The following TDRD10 variants were observed in gnomAD, a reference collection of about 807,000 sequenced individuals.
TDRD10 encodes the protein tudor domain-containing protein 10.
A neutral mutation model predicts 48.0 loss-of-function variants in TDRD10; 40 were observed. That is an observed-to-expected ratio of 0.83 (90% CI 0.65 to 1.09). The LOEUF is 1.09. Ranked by LOEUF, TDRD10 falls within the 50% of genes least tolerant of loss-of-function variation. The pLI is 0.00. For synonymous variants in TDRD10, 162 were observed against 170.4 expected (o/e 0.95, Z 0.38); for missense variants, 378 against 434.7 (o/e 0.87, Z 1.16).
At chr1:154,543,859 C>A in intron 8 of TDRD10, 104 bp from the exon 9 acceptor site, 1 of 1,523,756 alleles carries the variant, frequency 6.6e-7, no homozygotes, top group Non-Finnish European at 8.9e-7. Flanking sequence ...GGGACTCATC[C>A]CCCAGGCAGT....
intron 6 of TDRD10, among the ~76,000 whole-genome samples, chr1:154,530,245 C>T (rs1694539377): frequency 6.6e-6 from 1 of 152,134 alleles, no homozygotes; most frequent in Non-Finnish European, 1.5e-5. Flanking sequence ...GAACTCCTGA[C>T]CTCAGGTGAT....
Position 154,542,745 on chromosome 1 carries a change from G to T in TDRD10, c.427G>T (p.Ala143Ser), listed in dbSNP as rs779845457. Reference sequence around the variant, plus strand: ...CTGCTTTCTAGCTATTATACAGCTCGCTCCTAAAGCTCCTGTTGACCTGTG... The same window carrying T: ...CTGCTTTCTAGCTATTATACAGCTCTCTCCTAAAGCTCCTGTTGACCTGTG... ...FGKTAAIIQL[A>S]PKAPVDLCET... Residue 143 changes from alanine to serine, a missense_variant, in exon 8 of 13, where the codon GCT becomes TCT. Coordinates refer to ENST00000368482, the MANE Select transcript of TDRD10 (RefSeq NM_182499.4). The T allele has an allele frequency of 3.7e-6, 6 of 1,613,572 alleles. No individual in the cohort carries two copies. Among genetic ancestry groups the T allele is most frequent in the Non-Finnish European group, 5.1e-6 (6 of 1,179,722 alleles).
chr1:154,544,283 T>C (rs1011206123), intron 9 of TDRD10, 89 bp from the exon 10 acceptor site: 3 of 1,543,076 alleles, frequency 1.9e-6, no homozygotes, highest in Non-Finnish European at 2.6e-6. Context: ...TGGGACGGAT[T>C]AGCGGTGCTA....
At chr1:154,514,683 TTTTGTTTG>T (rs1039806865) in intron 4 of TDRD10, among the ~76,000 whole-genome samples, 1 of 152,046 alleles carries the variant, frequency 6.6e-6, no homozygotes, top group Non-Finnish European at 1.5e-5. Flanking sequence ...TCATTTGTTT[TTTTGTTTG>T]TTTGTTTGTT....
rs1693992019 is a variant in TDRD10 at position 154,520,339 on chromosome 1, T to C, written c.177T>C (p.Pro59=). Residue 59 remains proline (P), a synonymous_variant, in exon 5 of 13, where the codon CCT becomes CCC. Transcript: ENST00000368482. The part of the protein sequence containing the change: ...EILYLLKDFN[P]LDVHKIQNGC... The stretch of plus-strand genomic sequence containing the variant: ...TGTACCTTCTAAAGGACTTCAACCC[T>C]CTTGATGTCCACAAAATCCAGAATG... The C allele has an allele frequency of 6.2e-7, 1 of 1,613,830 alleles. No homozygotes were observed. The highest frequency in any genetic ancestry group is 1.1e-5 in the South Asian group (1 of 91,076).
intron 4 of TDRD10, among the ~76,000 whole-genome samples, chr1:154,510,999 T>C (rs1184930415): frequency 6.6e-6 from 1 of 151,866 alleles, no homozygotes; most frequent in Non-Finnish European, 1.5e-5. Flanking sequence ...TGAGCTGAGA[T>C]TGCGCCACTG....
At chr1:154,509,229 T>C (rs1014211482) in intron 4 of TDRD10, among the ~76,000 whole-genome samples, 2 of 151,990 alleles carry the variant, frequency 1.3e-5, no homozygotes, top group Non-Finnish European at 2.9e-5. Flanking sequence ...AACTAACCTT[T>C]GTGGAACCCC....
intron 6 of TDRD10, among the ~76,000 whole-genome samples, chr1:154,527,847 GT>G (rs929150482): frequency 1.6e-4 from 24 of 151,922 alleles, no homozygotes; most frequent in African/African-American, 4.4e-4. Flanking sequence ...AGCTAAAAAT[GT>G]TTTTTTTAAT....
At position 154,531,944 on chromosome 1, in the gene TDRD10, G is replaced by C. The variant is rs368165604; in HGVS notation, c.370-10080G>C. ...ACAAACCCTGAGCTAGACACAGAGC[G>C]CTGATTGGTGTATTTACAATCCCTT... On this transcript the variant is annotated intron_variant, in intron 6 of 12. Coordinates refer to ENST00000368482, the MANE Select transcript of TDRD10 (RefSeq NM_182499.4). Among the ~76,000 whole-genome samples, 3 of 152,296 alleles carry C rather than the reference G, an allele frequency of 2.0e-5. 1 individual carries two copies. The East Asian group carries it at 5.8e-4, about 29-fold the overall frequency.
In TDRD10 at chr1:154,547,676, A is replaced by G; in HGVS notation, c.1024-2A>G. ...CACCAAGGCTTTGTCTTTCTCTTCC[A>G]GTTGCACATCCTAAAGTTTGAAGAG... On this transcript the variant is annotated splice_acceptor_variant, in intron 12 of 12. Transcript: ENST00000368482. LOFTEE classifies it high-confidence loss of function. 2 of 1,614,054 alleles carry G rather than the reference A, an allele frequency of 1.2e-6. No homozygotes were observed. The highest frequency in any genetic ancestry group is 1.7e-6 in the Non-Finnish European group (2 of 1,179,992).
In TDRD10 at chr1:154,536,094, C is replaced by T. The variant is rs906038536; in HGVS notation, c.370-5930C>T. Among the ~76,000 whole-genome samples the T allele has an allele frequency of 2.6e-5, 4 of 152,172 alleles. 1 individual carries two copies. The South Asian group carries it at 8.3e-4, about 32-fold the overall frequency. On this transcript the variant is annotated intron_variant, in intron 6 of 12. Coordinates refer to ENST00000368482, the MANE Select transcript of TDRD10 (RefSeq NM_182499.4). The stretch of plus-strand genomic sequence containing the variant: ...GCAGTTAATTCCTAAGAAAAGGTTG[C>T]AGGCCGGGCGCAGTGGCTCACGCCT...
At chr1:154,503,177 T>TTGAGCGACGGC (rs1692904890) in intron 1 of TDRD10, 148 bp downstream of exon 1, 2 of 145,742 alleles carry the variant, frequency 1.4e-5, no homozygotes, top group East Asian at 4.5e-4. Context: ...CTCGCGCCGG[T>TTGAGCGACGGC]TGGGAGCGGC....
intron 6 of TDRD10, among the ~76,000 whole-genome samples, chr1:154,522,588 T>G (rs1302003475): frequency 5.3e-5 from 8 of 152,126 alleles, no homozygotes; most frequent in Admixed American, 4.6e-4. Flanking sequence ...GGAGGATGGC[T>G]TAAAGCTAGG....
At chr1:154,536,472 G>T (rs1200610522) in intron 6 of TDRD10, among the ~76,000 whole-genome samples, 2 of 152,230 alleles carry the variant, frequency 1.3e-5, no homozygotes, top group Non-Finnish European at 2.9e-5. Flanking sequence ...TGAGCAGGGG[G>T]TGACATAGCC....
intron 2 of TDRD10, 68 bp from the exon 3 acceptor site, chr1:154,507,173 G>C (rs1319822543): frequency 1.4e-6 from 2 of 1,473,326 alleles, no homozygotes; most frequent in African/African-American, 1.9e-5. Flanking sequence ...CTCTGCTTAT[G>C]CCTGACACGT....
intron 4 of TDRD10, among the ~76,000 whole-genome samples, chr1:154,509,037 C>T (rs1357847861): frequency 6.8e-6 from 1 of 147,854 alleles, no homozygotes; most frequent in Non-Finnish European, 1.5e-5. Flanking sequence ...TAAGTGTATT[C>T]GAAATACAGA....
intron 6 of TDRD10, among the ~76,000 whole-genome samples, chr1:154,532,049 C>T (rs1694657459): frequency 6.6e-6 from 1 of 152,236 alleles, no homozygotes; most frequent in Non-Finnish European, 1.5e-5. Context: ...CGCACCGGGG[C>T]CACAGGTGGA....
chr1:154,544,335 T>C (rs1333140899), intron 9 of TDRD10, 37 bp from the exon 10 acceptor site: 2 of 1,558,926 alleles, frequency 1.3e-6, no homozygotes, highest in Admixed American at 2.0e-5. Context: ...TGTAATGCAG[T>C]GCAGGCAGTG....
intron 6 of TDRD10, among the ~76,000 whole-genome samples, chr1:154,528,627 T>C (rs1346488558): frequency 6.7e-6 from 1 of 150,014 alleles, no homozygotes; most frequent in Admixed American, 6.7e-5. Flanking sequence ...GAGACCAGCC[T>C]GGCCAACATG....
Sources: gnomAD v4.1 joint callset for allele counts (sites outside exome capture counted in the v4.1 genomes callset) on GRCh38, gnomAD v4.1.1 for gene constraint, MANE v1.5 for transcripts, NCBI Gene and HGNC (gene_info 2026-07-23, HGNC 2026-07-21) for gene names.